MAP3K7CL: variants seen among roughly 807,000 people sequenced by gnomAD.
MAP3K7CL encodes the protein MAP3K7 C-terminal like, also known as MAP3K7 C-terminal-like protein.
MAP3K7CL carries 16 observed loss-of-function variants against 18.6 expected under a neutral mutation model. That is an observed-to-expected ratio of 0.86 (90% CI 0.58 to 1.31). The LOEUF (loss-of-function observed/expected upper bound fraction) is 1.31, where lower values mean the gene tolerates loss of function less well. Ranked by LOEUF, MAP3K7CL falls within the 50% of genes most tolerant of loss-of-function variation. The pLI, the probability that MAP3K7CL is intolerant of heterozygous loss-of-function variation, is 0.00. For synonymous variants in MAP3K7CL, 65 were observed against 66.8 expected (o/e 0.97, Z 0.13); for missense variants, 163 against 174.4 (o/e 0.93, Z 0.37).
intron 2 of MAP3K7CL, among the ~76,000 whole-genome samples, chr21:29,138,274 GC>G (rs1229939754): frequency 6.6e-6 from 1 of 152,194 alleles, no homozygotes; most frequent in Admixed American, 6.5e-5. Flanking sequence ...AGGCAGTGAT[GC>G]CTGTCTTTAA....
At chr21:29,082,582 A>T (rs2085853850), upstream of MAP3K7CL, among the ~76,000 whole-genome samples, 2 of 152,146 alleles carry the variant, frequency 1.3e-5, no homozygotes, top group Non-Finnish European at 2.9e-5. Flanking sequence ...ATGAAAGTAG[A>T]GGGTGCCAAG....
intron 3 of MAP3K7CL, 135 bp from the exon 4 acceptor site, chr21:29,159,806 G>A (rs2087498127): frequency 3.2e-6 from 2 of 623,858 alleles, no homozygotes; most frequent in South Asian, 2.0e-5. Context: ...AATGTTGACT[G>A]ACAATGCTGT....
chr21:29,135,516 T>G, intron 2 of MAP3K7CL, among the ~76,000 whole-genome samples: 1 of 152,242 alleles, frequency 6.6e-6, no homozygotes. Flanking sequence ...ATAAATGTAC[T>G]GTTCCCCTGT....
At chr21:29,077,851 C>T (rs2085774259) in intron 1 of MAP3K7CL, 1 of 152,240 alleles carries the variant, frequency 6.6e-6, no homozygotes, top group Non-Finnish European at 1.5e-5. Context: ...ATTCAAAAGC[C>T]TGGGATCCTC....
upstream of MAP3K7CL, among the ~76,000 whole-genome samples, chr21:29,084,677 C>T (rs985706170): frequency 3.3e-5 from 5 of 152,098 alleles, no homozygotes; most frequent in Admixed American, 2.6e-4. Flanking sequence ...TTCTTTCTTA[C>T]CAGATATTCA....
intron 4 of MAP3K7CL, among the ~76,000 whole-genome samples, chr21:29,124,308 C>T (rs574295574): frequency 1.5e-5 from 2 of 137,536 alleles, no homozygotes; most frequent in South Asian, 2.3e-4. Flanking sequence ...GAGCCGATAT[C>T]GCGCCACTGT....
At chr21:29,133,510 A>T (rs369613066) in intron 2 of MAP3K7CL, 96 bp downstream of exon 2, 2 of 858,376 alleles carry the variant, frequency 2.3e-6, no homozygotes, top group African/African-American at 3.4e-5. Flanking sequence ...TTAAAGTTGC[A>T]TGCTTGCATG....
upstream of MAP3K7CL, among the ~76,000 whole-genome samples, chr21:29,126,411 C>T (rs1852597730): frequency 6.6e-6 from 1 of 152,112 alleles, no homozygotes; most frequent in Non-Finnish European, 1.5e-5. Context: ...GACAGAGATC[C>T]TTAAGAGCTC....
At chr21:29,083,612 C>G (rs1043309004), upstream of MAP3K7CL, among the ~76,000 whole-genome samples, 1 of 152,068 alleles carries the variant, frequency 6.6e-6, no homozygotes, top group Non-Finnish European at 1.5e-5. Context: ...TTTTGTTTCT[C>G]TCTTTAACTG....
upstream of MAP3K7CL, among the ~76,000 whole-genome samples, chr21:29,129,797 C>T (rs2086745755): frequency 6.6e-6 from 1 of 152,208 alleles, no homozygotes; most frequent in South Asian, 2.1e-4. Flanking sequence ...CCTGTTGCTC[C>T]ACAGCCTCAC....
intron 4 of MAP3K7CL, among the ~76,000 whole-genome samples, chr21:29,113,481 C>T (rs960700083): frequency 3.9e-5 from 6 of 152,116 alleles, no homozygotes; most frequent in East Asian, 1.9e-4. Flanking sequence ...CCTGGTTGCT[C>T]GCTCTGTGCT....
chr21:29,149,974 A>G (rs961238321), intron 3 of MAP3K7CL, among the ~76,000 whole-genome samples: 3 of 152,216 alleles, frequency 2.0e-5, no homozygotes, highest in Non-Finnish European at 4.4e-5. Context: ...TTGTAGTCAC[A>G]TTTAGGCAAG....
At chr21:29,173,682 G>T (rs1157140787) in intron 4 of MAP3K7CL, among the ~76,000 whole-genome samples, 2 of 152,276 alleles carry the variant, frequency 1.3e-5, no homozygotes, top group East Asian at 3.9e-4. Flanking sequence ...TCTACACATG[G>T]ACTGAAGATC....
intron 1 of MAP3K7CL, among the ~76,000 whole-genome samples, chr21:29,089,463 G>GA (rs1340068939): frequency 6.6e-6 from 1 of 152,144 alleles, no homozygotes; most frequent in Non-Finnish European, 1.5e-5. Flanking sequence ...AACTGGCCCA[G>GA]AAAAAATGAG....
chr21:29,142,107 C>G (rs1261059140), intron 2 of MAP3K7CL, among the ~76,000 whole-genome samples: 1 of 151,930 alleles, frequency 6.6e-6, no homozygotes, highest in Non-Finnish European at 1.5e-5. Flanking sequence ...CTCTGCCACT[C>G]AGACTGGAGT....
rs2087931109 is a variant in MAP3K7CL at position 29,174,896 on chromosome 21, T to C, written c.*4T>C. On this transcript the variant is annotated 3_prime_UTR_variant, in exon 5 of 5. Coordinates refer to ENST00000399928, the MANE Select transcript of MAP3K7CL (RefSeq NM_001286620.2). ...GAAGAGGCAGGGCTCGTCCTAACTTTAAATTTTTCAGTGTGAGCATACGAG... is the reference window on the plus strand; with the variant it reads ...GAAGAGGCAGGGCTCGTCCTAACTTCAAATTTTTCAGTGTGAGCATACGAG... The C allele has an allele frequency of 6.2e-7, 1 of 1,613,070 alleles. No homozygotes were observed. The highest frequency in any genetic ancestry group is 8.5e-7 in the Non-Finnish European group (1 of 1,179,442).
At chr21:29,097,819 C>T (rs2086149663) in intron 4 of MAP3K7CL, among the ~76,000 whole-genome samples, 1 of 152,018 alleles carries the variant, frequency 6.6e-6, no homozygotes, top group South Asian at 2.1e-4. Flanking sequence ...GATTTCTACC[C>T]CCCGCACCCA....
chr21:29,121,565 G>A (rs549346324), intron 4 of MAP3K7CL, among the ~76,000 whole-genome samples: 22 of 152,220 alleles, frequency 1.4e-4, no homozygotes, highest in Non-Finnish European at 2.2e-4. Flanking sequence ...AGGTTTGGTT[G>A]GCATTTGGTC....
At chr21:29,137,312 T>C (rs1242228038) in intron 2 of MAP3K7CL, among the ~76,000 whole-genome samples, 2 of 152,204 alleles carry the variant, frequency 1.3e-5, no homozygotes, top group African/African-American at 2.4e-5. Flanking sequence ...CTGAATTTAT[T>C]TGGTTTCGGT....
Sources: gnomAD v4.1 joint callset for allele counts (sites outside exome capture counted in the v4.1 genomes callset) on GRCh38, gnomAD v4.1.1 for gene constraint, MANE v1.5 for transcripts, NCBI Gene and HGNC (gene_info 2026-07-23, HGNC 2026-07-21) for gene names.